ITGA9: variants seen among roughly 807,000 people sequenced by gnomAD.
The protein encoded by ITGA9 is integrin subunit alpha 9.
A neutral mutation model predicts 127.8 loss-of-function variants in ITGA9; 56 were observed. The observed-to-expected ratio is 0.44, with a 90% CI of 0.35 to 0.55. The LOEUF is 0.55. ITGA9 is among the 20% of genes least tolerant of loss of function. The probability of loss-of-function intolerance (pLI) is 0.00; values close to 1 mark genes in which losing one functional copy is unlikely to be tolerated. For synonymous variants in ITGA9, 508 were observed against 514.5 expected (o/e 0.99, Z 0.17); for missense variants, 1,196 against 1,347.1 (o/e 0.89, Z 1.76).
intron 26 of ITGA9, chr3:37,790,405 C>T (rs2125556460): frequency 4.3e-6 from 2 of 467,810 alleles, no homozygotes; most frequent in Non-Finnish European, 8.7e-6. Flanking sequence ...TCGGTTCTCT[C>T]GGTTGGAATG....
intron 19 of ITGA9, among the ~76,000 whole-genome samples, chr3:37,734,017 A>G (rs1001677646): frequency 6.6e-6 from 1 of 152,228 alleles, no homozygotes; most frequent in Non-Finnish European, 1.5e-5. Context: ...ACGTGTGGGA[A>G]TGTGGGAGGA....
At chr3:37,559,831 C>T (rs1699468027) in intron 15 of ITGA9, among the ~76,000 whole-genome samples, 1 of 152,148 alleles carries the variant, frequency 6.6e-6, no homozygotes, top group Non-Finnish European at 1.5e-5. Flanking sequence ...AAGGGGGGCC[C>T]CAAGGCAGTG....
chr3:37,750,456 C>G lies in ITGA9; in HGVS notation c.2434-6C>G. On this transcript the variant is annotated splice_polypyrimidine_tract_variant and splice_region_variant and intron_variant, in intron 22 of 27. Coordinates refer to ENST00000264741, the MANE Select transcript of ITGA9 (RefSeq NM_002207.3). Reference sequence around the variant, plus strand: ...GAGACTTGCTGTGTGTGTTCCACACCCACAGGTCTACAACACTGGCCCAAG... The same window carrying G: ...GAGACTTGCTGTGTGTGTTCCACACGCACAGGTCTACAACACTGGCCCAAG... 1.3e-6 allele frequency: 2 copies of G among 1,543,568 alleles called. No homozygotes were observed. Among genetic ancestry groups the G allele is most frequent in the South Asian group, 2.2e-5 (2 of 89,660 alleles).
intron 26 of ITGA9, among the ~76,000 whole-genome samples, chr3:37,792,057 C>G (rs1354325626): frequency 6.6e-6 from 1 of 152,174 alleles, no homozygotes; most frequent in African/African-American, 2.4e-5. Flanking sequence ...AGGGTCATCA[C>G]CGCCCCCATC....
At chr3:37,578,166 A>G (rs559799255) in intron 15 of ITGA9, among the ~76,000 whole-genome samples, 3 of 152,304 alleles carry the variant, frequency 2.0e-5, no homozygotes, top group Admixed American at 6.5e-5. Flanking sequence ...AAGACACTCT[A>G]CTGTGGTTCC....
chr3:37,641,116 G>A (rs141494886), intron 16 of ITGA9, among the ~76,000 whole-genome samples: 371 of 152,296 alleles, frequency 2.4e-3, no homozygotes, highest in African/African-American at 8.4e-3. Flanking sequence ...CACCATCTTA[G>A]GCAGGAGTCC....
intron 3 of ITGA9, among the ~76,000 whole-genome samples, chr3:37,476,021 G>A (rs554094337): frequency 1.4e-4 from 21 of 152,280 alleles, no homozygotes; most frequent in African/African-American, 4.6e-4. Flanking sequence ...GCATGTGACC[G>A]GATCTCCTTC....
intron 18 of ITGA9, among the ~76,000 whole-genome samples, chr3:37,715,389 A>G (rs548215261): frequency 1.2e-4 from 18 of 152,328 alleles, no homozygotes; most frequent in Non-Finnish European, 2.4e-4. Flanking sequence ...TTTGAAAAAA[A>G]CATAATCATT....
intron 15 of ITGA9, among the ~76,000 whole-genome samples, chr3:37,627,472 C>T (rs1700187250): frequency 6.6e-6 from 1 of 152,206 alleles, no homozygotes. Context: ...CCGAGGAACT[C>T]TGAAGAAACA....
intron 16 of ITGA9, among the ~76,000 whole-genome samples, chr3:37,635,648 A>G (rs1265775322): frequency 2.0e-5 from 3 of 151,038 alleles, no homozygotes; most frequent in Non-Finnish European, 3.0e-5. Context: ...TTATTATTAT[A>G]CTTTAAGTTT....
chr3:37,579,861 C>T (rs1176291654), intron 15 of ITGA9, among the ~76,000 whole-genome samples: 3 of 152,188 alleles, frequency 2.0e-5, no homozygotes, highest in African/African-American at 7.2e-5. Context: ...AGATTCAGCC[C>T]TTGCCTCCCA....
chr3:37,780,950 A>G (rs1282517040), intron 25 of ITGA9, among the ~76,000 whole-genome samples: 8 of 152,268 alleles, frequency 5.3e-5, no homozygotes, highest in African/African-American at 1.7e-4. Flanking sequence ...GTAAAATACC[A>G]GACCCTTGCT....
At chr3:37,638,065 C>T (rs1440387957) in intron 16 of ITGA9, among the ~76,000 whole-genome samples, 1 of 151,978 alleles carries the variant, frequency 6.6e-6, no homozygotes, top group East Asian at 1.9e-4. Context: ...AATAATTTGC[C>T]CATCAAAATT....
At chr3:37,758,114 G>C (rs560690649) in intron 23 of ITGA9, among the ~76,000 whole-genome samples, 2 of 150,816 alleles carry the variant, frequency 1.3e-5, no homozygotes, top group East Asian at 3.9e-4. Flanking sequence ...ATGAGGTCAG[G>C]AGATCGAGAC....
intron 1 of ITGA9, among the ~76,000 whole-genome samples, chr3:37,460,320 C>T (rs757656382): frequency 1.3e-5 from 2 of 152,106 alleles, no homozygotes; most frequent in Non-Finnish European, 2.9e-5. Context: ...TAATAAAAGG[C>T]ATGAATGGGT....
chr3:37,812,392 A>G (rs1169727153), intron 27 of ITGA9, among the ~76,000 whole-genome samples: 1 of 152,240 alleles, frequency 6.6e-6, no homozygotes, highest in East Asian at 1.9e-4. Flanking sequence ...GGATCCCCCA[A>G]GAGACCAGAT....
chr3:37,530,543 ATGGCACCAG>A (rs1467131534), intron 13 of ITGA9, among the ~76,000 whole-genome samples: 2 of 151,996 alleles, frequency 1.3e-5, no homozygotes, highest in African/African-American at 2.4e-5. Context: ...TAACCTAACA[ATGGCACCAG>A]TGGCACCAGG....
chr3:37,523,252 C>T (rs1699061659), intron 11 of ITGA9, among the ~76,000 whole-genome samples: 1 of 152,098 alleles, frequency 6.6e-6, no homozygotes, highest in Non-Finnish European at 1.5e-5. Flanking sequence ...AAAACATTAT[C>T]ATGGTAGTCT....
At chr3:37,576,874 C>T (rs1382500828) in intron 15 of ITGA9, among the ~76,000 whole-genome samples, 2 of 152,250 alleles carry the variant, frequency 1.3e-5, no homozygotes, top group East Asian at 3.8e-4. Flanking sequence ...GCTGGGATTA[C>T]AGGCATGAGC....
Sources: gnomAD v4.1 joint callset for allele counts (sites outside exome capture counted in the v4.1 genomes callset) on GRCh38, gnomAD v4.1.1 for gene constraint, MANE v1.5 for transcripts, NCBI Gene and HGNC (gene_info 2026-07-23, HGNC 2026-07-21) for gene names.